The following CAPZB variants were observed in gnomAD, a reference collection of about 807,000 sequenced individuals.
The protein encoded by CAPZB is capping actin protein of muscle Z-line subunit beta, also known as F-actin-capping protein subunit beta.
Under a neutral mutation model 38.1 loss-of-function variants are expected in CAPZB, and 2 were observed. That is an observed-to-expected ratio of 0.05 (90% confidence interval 0.02 to 0.17). CAPZB has a LOEUF of 0.17. Ranked by LOEUF, CAPZB falls within the 10% of genes least tolerant of loss-of-function variation. CAPZB has a pLI of 1.00. For missense variants in CAPZB, 161 were observed against 334.2 expected, an observed-to-expected ratio of 0.48 and a Z score of 4.04; for synonymous variants, 107 against 127.4, an observed-to-expected ratio of 0.84 and a Z score of 1.08.
intron 4 of CAPZB, among the ~76,000 whole-genome samples, chr1:19,375,269 C>T (rs536376356): frequency 2.0e-5 from 3 of 152,338 alleles, no homozygotes; most frequent in South Asian, 2.1e-4. Context: ...AAACGTTCCT[C>T]GCATGTGGTC....
intron 3 of CAPZB, among the ~76,000 whole-genome samples, chr1:19,384,124 T>A (rs549234715): frequency 6.6e-6 from 1 of 152,356 alleles, no homozygotes; most frequent in Non-Finnish European, 1.5e-5. Flanking sequence ...ACATTTCACG[T>A]GTGTTACTTC....
At chr1:19,431,422 G>C (rs1221059881) in intron 1 of CAPZB, among the ~76,000 whole-genome samples, 1 of 152,156 alleles carries the variant, frequency 6.6e-6, no homozygotes, top group Non-Finnish European at 1.5e-5. Context: ...ATTTTGGGCC[G>C]GGCACGGTGG....
rs919349784 is a variant in CAPZB at position 19,357,733 on chromosome 1, C to T, written c.330-170G>A. Among the ~76,000 whole-genome samples the T allele has an allele frequency of 6.6e-6, 1 of 151,886 alleles. No homozygotes were observed. Among genetic ancestry groups the T allele is most frequent in the Non-Finnish European group, 1.5e-5 (1 of 67,990 alleles). On this transcript the variant is annotated intron_variant, in intron 4 of 8. Transcript: ENST00000264202. The surrounding 1 kb of genome is among the most constrained non-coding windows in gnomAD (Gnocchi z 4.3). ...CGTTCTGTGGCTGGGGGAGGGGGTGCAGCATTCCTGGGGGTGTAGTAGGTT... is the reference window on the plus strand; with the variant it reads ...CGTTCTGTGGCTGGGGGAGGGGGTGTAGCATTCCTGGGGGTGTAGTAGGTT...
At chr1:19,446,969 G>A (rs781027086) in intron 1 of CAPZB, among the ~76,000 whole-genome samples, 3 of 152,066 alleles carry the variant, frequency 2.0e-5, no homozygotes, top group Non-Finnish European at 4.4e-5. Context: ...TCTATGGTTT[G>A]TACTGTGCAA....
intron 6 of CAPZB, among the ~76,000 whole-genome samples, chr1:19,347,913 G>A (rs549423220): frequency 4.6e-5 from 7 of 152,166 alleles, no homozygotes; most frequent in Non-Finnish European, 7.3e-5. Context: ...CCAGTTAAAT[G>A]TACCAGGGCA....
intron 1 of CAPZB, among the ~76,000 whole-genome samples, chr1:19,422,421 C>T (rs753798166): frequency 7.6e-4 from 116 of 152,202 alleles, no homozygotes; most frequent in South Asian, 2.1e-3. Flanking sequence ...ACAATAAAGT[C>T]CCCCTCAGGA....
At chr1:19,368,249 C>A (rs764855390) in intron 4 of CAPZB, among the ~76,000 whole-genome samples, 3 of 152,122 alleles carry the variant, frequency 2.0e-5, no homozygotes, top group Non-Finnish European at 4.4e-5. Flanking sequence ...CTGAGACGTG[C>A]CAGCTGTGGT....
intron 1 of CAPZB, among the ~76,000 whole-genome samples, chr1:19,422,580 C>CA (rs1183969725): frequency 1.3e-5 from 2 of 151,962 alleles, no homozygotes; most frequent in Non-Finnish European, 2.9e-5. Context: ...ACTAAAAATA[C>CA]AAAAAAATTA....
rs879881235 is a variant in CAPZB at position 19,380,857 on chromosome 1, TA to T, written c.216-2205del. 4.9e-3 allele frequency among the ~76,000 whole-genome samples: 714 copies of T among 146,872 alleles called. 2 individuals are homozygous for T. The highest frequency in any genetic ancestry group is 6.9e-3 in the Non-Finnish European group (455 of 66,174). On this transcript the variant is annotated intron_variant, in intron 3 of 8. Transcript: ENST00000264202. ...GCCTGGCACTCAACTACACGCTCAT[TA>T]AAAAAAAAAATGTTTTTAAGAATGA...
intron 6 of CAPZB, 79 bp from the exon 7 acceptor site, chr1:19,345,331 G>T: frequency 8.7e-7 from 1 of 1,150,782 alleles, no homozygotes; most frequent in Non-Finnish European, 1.3e-6. Flanking sequence ...CCACCTCCAC[G>T]GTCTGCAAAG....
At chr1:19,455,639 G>A (rs1294503293) in intron 1 of CAPZB, among the ~76,000 whole-genome samples, 3 of 152,152 alleles carry the variant, frequency 2.0e-5, no homozygotes, top group African/African-American at 7.2e-5. Context: ...ACCAGCCACT[G>A]TGGGCCTTTG....
chr1:19,389,845 A>G (rs1330277011), intron 2 of CAPZB, among the ~76,000 whole-genome samples: 1 of 152,270 alleles, frequency 6.6e-6, no homozygotes, highest in Non-Finnish European at 1.5e-5. Flanking sequence ...CAAATTCTTC[A>G]GAATTCCTGC....
chr1:19,362,271 C>A (rs1314457858), intron 4 of CAPZB, among the ~76,000 whole-genome samples: 8 of 152,228 alleles, frequency 5.3e-5, no homozygotes, highest in Non-Finnish European at 1.0e-4. Context: ...GAGTCTCGCT[C>A]TGTCGCCCAG....
intron 2 of CAPZB, 73 bp downstream of exon 2, chr1:19,419,588 T>C (rs2094393543): frequency 1.2e-6 from 1 of 850,180 alleles, no homozygotes; most frequent in East Asian, 2.7e-5. Context: ...GAATTCTGCA[T>C]GGAAAAAGCT....
chr1:19,393,304 T>C (rs6692548), intron 2 of CAPZB, among the ~76,000 whole-genome samples: 7,732 of 152,262 alleles, frequency 0.051, 648 homozygotes, highest in African/African-American at 0.17. Context: ...GAAGCAGCTG[T>C]GCTCCCAGAG....
At chr1:19,372,413 G>A (rs1280781212) in intron 4 of CAPZB, among the ~76,000 whole-genome samples, 1 of 152,248 alleles carries the variant, frequency 6.6e-6, no homozygotes, top group Non-Finnish European at 1.5e-5. Context: ...TCTGGTCCCA[G>A]GCAGAACCCG....
In CAPZB at chr1:19,357,843, G is replaced by A. The variant is rs763814871; in HGVS notation, c.330-280C>T. 7.9e-5 allele frequency among the ~76,000 whole-genome samples: 12 copies of A among 152,080 alleles called. No homozygotes were observed. The highest frequency in any genetic ancestry group is 1.9e-4 in the East Asian group (1 of 5,204). ...TTTGGCTTACTGAACCTCTCTGGGC[G>A]TCACACTCCTCCCAGATAAAGAATG... On this transcript the variant is annotated intron_variant, in intron 4 of 8. Coordinates refer to ENST00000264202, the MANE Select transcript of CAPZB (RefSeq NM_004930.5). This position sits in a 1 kb window ranked among gnomAD's most constrained non-coding sequence, Gnocchi z 4.3.
intron 4 of CAPZB, chr1:19,374,473 A>C (rs949440848): frequency 6.6e-6 from 1 of 152,340 alleles, no homozygotes; most frequent in Non-Finnish European, 1.5e-5. Flanking sequence ...CGTGAATTAA[A>C]GACCCTGTCA....
chr1:19,366,298 AT>A (rs2094086592), intron 4 of CAPZB, among the ~76,000 whole-genome samples: 3 of 104,502 alleles, frequency 2.9e-5, no homozygotes, highest in African/African-American at 1.4e-4. Flanking sequence ...ATATATATAT[AT>A]ATATATATAT....
Sources: allele counts gnomAD v4.1 joint callset (sites outside exome capture counted in the v4.1 genomes callset), GRCh38; gene constraint gnomAD v4.1.1; non-coding constraint Gnocchi (gnomAD v3.1); transcripts MANE v1.5; gene names NCBI Gene and HGNC (gene_info 2026-07-23, HGNC 2026-07-21).